Variants in CHRDL1 observed in about 807,000 individuals in gnomAD.
CHRDL1 encodes chordin-like protein 1.
A neutral mutation model predicts 40.9 loss-of-function variants in CHRDL1; 19 were observed. The observed-to-expected ratio is 0.46, with a 90% CI of 0.32 to 0.68. The LOEUF is 0.68. CHRDL1 is among the 30% of genes least tolerant of loss of function. The pLI, the probability that CHRDL1 is intolerant of heterozygous loss-of-function variation, is 0.03. For missense variants in CHRDL1, 329 were observed against 352.1 expected (o/e 0.93, Z 0.53); for synonymous variants, 136 against 123.4 (o/e 1.10, Z -0.68).
intron 6 of CHRDL1, among the ~76,000 whole-genome samples, chrX:110,705,568 G>C (rs1274346023): frequency 9.8e-6 from 1 of 102,279 alleles, no homozygotes; most frequent in African/African-American, 3.5e-5. Flanking sequence ...AGTATTCCTA[G>C]TCTAAAATGC....
chrX:110,688,891 A>C, intron 8 of CHRDL1, 88 bp from the exon 9 acceptor site: 1 of 664,161 alleles, frequency 1.5e-6, no homozygotes, highest in South Asian at 2.6e-5. Context: ...ACTACTTAAC[A>C]TATCAAGCAT....
intron 4 of CHRDL1, 34 bp from the exon 5 acceptor site, chrX:110,721,564 T>C (rs756037319): frequency 3.5e-5 from 40 of 1,145,476 alleles, no homozygotes; most frequent in South Asian, 3.1e-4. Context: ...ACACTGAGTA[T>C]TGGCATCATT....
intron 4 of CHRDL1, among the ~76,000 whole-genome samples, chrX:110,756,509 G>A (rs1026320924): frequency 1.9e-5 from 2 of 106,654 alleles, no homozygotes; most frequent in Non-Finnish European, 3.8e-5. Context: ...TGAGGCAGTT[G>A]TAGATCAGTC....
At chrX:110,692,555 A>C (rs2070300646) in intron 8 of CHRDL1, among the ~76,000 whole-genome samples, 1 of 112,505 alleles carries the variant, frequency 8.9e-6, no homozygotes, top group Admixed American at 9.4e-5. Flanking sequence ...CACTTTTAAA[A>C]GGCTTTGAAA....
At chrX:110,755,423 G>A (rs1357511427) in intron 4 of CHRDL1, among the ~76,000 whole-genome samples, 1 of 111,771 alleles carries the variant, frequency 8.9e-6, no homozygotes, top group African/African-American at 3.3e-5. Context: ...AATACAGGTG[G>A]GCTCCTTGGA....
chrX:110,705,788 T>C (rs1227728538), intron 6 of CHRDL1, among the ~76,000 whole-genome samples: 1 of 108,424 alleles, frequency 9.2e-6, no homozygotes, highest in Non-Finnish European at 1.9e-5. Flanking sequence ...CATATATGTA[T>C]ATATACACTA....
chrX:110,751,539 C>A lies in CHRDL1; in HGVS notation c.301+8122G>T, dbSNP rs1308751811. 3.6e-5 allele frequency among the ~76,000 whole-genome samples: 4 copies of A among 111,867 alleles called. No individual in the cohort carries two copies. The East Asian group carries it at 8.4e-4, about 23-fold the overall frequency. On this transcript the variant is annotated intron_variant, in intron 4 of 11. Coordinates refer to ENST00000372042, the MANE Select transcript of CHRDL1 (RefSeq NM_001143981.2). ...TATAAAAATGCTCAACATCACTAAT[C>A]ATCAGAAAAATACAAATCAAAGCCA...
intron 4 of CHRDL1, among the ~76,000 whole-genome samples, chrX:110,743,732 C>CA (rs1178142408): frequency 2.7e-5 from 3 of 111,875 alleles, no homozygotes; most frequent in Non-Finnish European, 5.6e-5. Flanking sequence ...TACAGGAAAG[C>CA]AAAACAAAAG....
chrX:110,694,611 A>G (rs1305453363), intron 7 of CHRDL1, among the ~76,000 whole-genome samples: 1 of 112,266 alleles, frequency 8.9e-6, no homozygotes, highest in East Asian at 2.8e-4. Context: ...GGGAGAAAAG[A>G]GCCAAAAAGG....
At chrX:110,787,967 C>G (rs147379834) in intron 2 of CHRDL1, among the ~76,000 whole-genome samples, 2 of 112,481 alleles carry the variant, frequency 1.8e-5, no homozygotes, top group Admixed American at 1.9e-4. Context: ...GCCAAATGGG[C>G]AAACTCTTCA....
At chrX:110,764,461 T>G (rs976830848) in intron 2 of CHRDL1, among the ~76,000 whole-genome samples, 14 of 112,233 alleles carry the variant, frequency 1.2e-4, no homozygotes, top group African/African-American at 4.5e-4. Flanking sequence ...TTGTCTTACT[T>G]TGATCTCTTA....
At chrX:110,740,632 G>A (rs1246662263) in intron 4 of CHRDL1, among the ~76,000 whole-genome samples, 1 of 112,203 alleles carries the variant, frequency 8.9e-6, no homozygotes, top group African/African-American at 3.2e-5. Context: ...TATGGAGTAT[G>A]TAATATTTGA....
intron 1 of CHRDL1, among the ~76,000 whole-genome samples, chrX:110,793,278 G>A (rs1379142131): frequency 1.8e-5 from 2 of 112,373 alleles, no homozygotes; most frequent in Non-Finnish European, 3.8e-5. Context: ...TGAAGTAGAT[G>A]CTACAGCTCC....
chrX:110,746,516 C>T (rs1043521478), intron 4 of CHRDL1, among the ~76,000 whole-genome samples: 3 of 111,286 alleles, frequency 2.7e-5, no homozygotes, highest in South Asian at 3.8e-4. Context: ...CATTATTGTG[C>T]GGCATACTCA....
chrX:110,695,254 T>C (rs1297422589), intron 7 of CHRDL1, among the ~76,000 whole-genome samples: 2 of 111,767 alleles, frequency 1.8e-5, no homozygotes, highest in African/African-American at 3.3e-5. Flanking sequence ...CATGACAGTA[T>C]TGGCATGTAA....
At position 110,792,225 on chromosome X, in the gene CHRDL1, A is replaced by G; in HGVS notation, c.-34-10T>C. The G allele has an allele frequency of 1.2e-6, 1 of 814,268 alleles. No homozygotes were observed. Among genetic ancestry groups the G allele is most frequent in the Non-Finnish European group, 1.8e-6 (1 of 551,072 alleles). 67.1% of individuals were successfully genotyped at this position (814,268 alleles called of 1,213,427 possible). ...TGACAGAACCTTCAAGCTGTTGGGA[A>G]GAAAGCAGAAAAAAGACTTAACACA... On this transcript the variant is annotated splice_polypyrimidine_tract_variant and intron_variant, in intron 1 of 11. Transcript: ENST00000372042.
chrX:110,795,348 A>G (rs1188548072), intron 1 of CHRDL1, among the ~76,000 whole-genome samples: 1 of 112,035 alleles, frequency 8.9e-6, no homozygotes, highest in Admixed American at 9.4e-5. Flanking sequence ...ACCCTGCTAC[A>G]TTAACTTTAC....
intron 4 of CHRDL1, among the ~76,000 whole-genome samples, chrX:110,755,835 G>T (rs890595351): frequency 8.9e-6 from 1 of 111,816 alleles, no homozygotes; most frequent in Admixed American, 9.5e-5. Flanking sequence ...AATAATCACT[G>T]GGGTGGAAGG....
At chrX:110,787,315 G>A in intron 2 of CHRDL1, among the ~76,000 whole-genome samples, 1 of 111,342 alleles carries the variant, frequency 9.0e-6, no homozygotes, top group Non-Finnish European at 1.9e-5. Flanking sequence ...ACATTCCCAA[G>A]GTACATAAGT....
Sources: gnomAD v4.1 joint callset for allele counts (sites outside exome capture counted in the v4.1 genomes callset) on GRCh38, gnomAD v4.1.1 for gene constraint, MANE v1.5 for transcripts, NCBI Gene and HGNC (gene_info 2026-07-23, HGNC 2026-07-21) for gene names.